HS6ST3: variants seen among roughly 807,000 people sequenced by gnomAD.
HS6ST3 encodes heparan sulfate 6-O-sulfotransferase 3.
A neutral mutation model predicts 36.7 loss-of-function variants in HS6ST3; 12 were observed. That is an observed-to-expected ratio of 0.33 (90% confidence interval 0.21 to 0.53). HS6ST3 has a LOEUF of 0.53. Ranked by LOEUF, HS6ST3 falls within the 20% of genes least tolerant of loss-of-function variation. HS6ST3 has a pLI of 0.95. For missense variants in HS6ST3, 584 were observed against 640.9 expected (o/e 0.91, Z 0.96); for synonymous variants, 240 against 257.5 (o/e 0.93, Z 0.65).
chr13:96,292,215 T>C (rs1428023557), intron 1 of HS6ST3, among the ~76,000 whole-genome samples: 1 of 29,730 alleles, frequency 3.4e-5, no homozygotes, highest in East Asian at 1.4e-3. Flanking sequence ...AGTAAATGTG[T>C]GTGTGTGTGT....
chr13:96,691,000 G>C (rs964047132), intron 1 of HS6ST3, among the ~76,000 whole-genome samples: 1 of 152,040 alleles, frequency 6.6e-6, no homozygotes, highest in African/African-American at 2.4e-5. Flanking sequence ...CCATCCCATA[G>C]AGAATTCATC....
In HS6ST3 at chr13:96,839,219, C is replaced by G. The variant is rs1159686327; in HGVS notation, c.*6021C>G. 6.6e-6 allele frequency: 1 copy of G among 151,944 alleles called. No homozygotes were observed. Among genetic ancestry groups the G allele is most frequent in the Non-Finnish European group, 1.5e-5 (1 of 67,958 alleles). 9.4% of individuals were successfully genotyped at this position (151,944 alleles called of 1,614,324 possible). Reference sequence around the variant, plus strand: ...ATATGATCATTTTTTTTTCACTTTCCTTTTTTTCTTTCTCAGAAGTACTTC... The same window carrying G: ...ATATGATCATTTTTTTTTCACTTTCGTTTTTTTCTTTCTCAGAAGTACTTC... On this transcript the variant is annotated 3_prime_UTR_variant, in exon 2 of 2. Coordinates refer to ENST00000376705, the MANE Select transcript of HS6ST3 (RefSeq NM_153456.4).
intron 1 of HS6ST3, among the ~76,000 whole-genome samples, chr13:96,213,424 C>G (rs2054408391): frequency 6.6e-6 from 1 of 152,186 alleles, no homozygotes; most frequent in Non-Finnish European, 1.5e-5. Flanking sequence ...TGTGAGGTCT[C>G]CTTTGTTCCT....
chr13:96,749,167 A>G (rs1876634664), intron 1 of HS6ST3, among the ~76,000 whole-genome samples: 1 of 152,126 alleles, frequency 6.6e-6, no homozygotes, highest in Admixed American at 6.6e-5. Context: ...ATCACTGCAA[A>G]TATGCTCTGT....
At chr13:96,230,951 A>G (rs1328422002) in intron 1 of HS6ST3, among the ~76,000 whole-genome samples, 1 of 152,142 alleles carries the variant, frequency 6.6e-6, no homozygotes, top group Non-Finnish European at 1.5e-5. Flanking sequence ...ATTGACAAAT[A>G]TAGTGGTTGA....
intron 1 of HS6ST3, among the ~76,000 whole-genome samples, chr13:96,742,245 G>A (rs1196105913): frequency 2.6e-5 from 4 of 151,896 alleles, no homozygotes; most frequent in Non-Finnish European, 1.5e-5. Context: ...CAAAAATACG[G>A]CAGAAAAGGA....
At chr13:96,269,224 G>T (rs541737220) in intron 1 of HS6ST3, among the ~76,000 whole-genome samples, 1 of 151,828 alleles carries the variant, frequency 6.6e-6, no homozygotes, top group Non-Finnish European at 1.5e-5. Flanking sequence ...GTTTTATGGG[G>T]CATGTATTCA....
At chr13:96,407,621 G>A (rs1594773600) in intron 1 of HS6ST3, among the ~76,000 whole-genome samples, 2 of 152,170 alleles carry the variant, frequency 1.3e-5, no homozygotes, top group East Asian at 3.8e-4. Context: ...ATAAGATTTT[G>A]ATAACCTAGC....
At chr13:96,159,460 A>G (rs1314704640) in intron 1 of HS6ST3, among the ~76,000 whole-genome samples, 1 of 152,190 alleles carries the variant, frequency 6.6e-6, no homozygotes, top group Non-Finnish European at 1.5e-5. Flanking sequence ...ACACATGCCA[A>G]TCTGGAAATG....
chr13:96,658,296 T>C lies in HS6ST3; in HGVS notation c.708-174194T>C, dbSNP rs541012831. 9.1e-3 allele frequency among the ~76,000 whole-genome samples: 794 copies of C among 87,270 alleles called. 6 individuals are homozygous for C. Among genetic ancestry groups the C allele is most frequent in the Middle Eastern group, 0.031 (5 of 162 alleles). The allele number at this position is 87,270 out of a possible 152,430, so 57.3% of individuals were successfully genotyped here. A position where few individuals can be genotyped will look rare whatever the true frequency, so the allele number is the denominator to read the frequency against. On this transcript the variant is annotated intron_variant, in intron 1 of 1. Transcript: ENST00000376705. ...TTTTTTTTTTTTTTTTTTTTTTTTTTTTGAGATGGCGTCTCACTCTGTTAC... is the reference window on the plus strand; with the variant it reads ...TTTTTTTTTTTTTTTTTTTTTTTTTCTTGAGATGGCGTCTCACTCTGTTAC...
chr13:96,159,841 A>G (rs1450858547), intron 1 of HS6ST3, among the ~76,000 whole-genome samples: 1 of 152,178 alleles, frequency 6.6e-6, no homozygotes. Context: ...TCCAGTGAAC[A>G]CTAATGAGGG....
chr13:96,708,939 C>T (rs1470118027), intron 1 of HS6ST3, among the ~76,000 whole-genome samples: 3 of 152,202 alleles, frequency 2.0e-5, no homozygotes, highest in Non-Finnish European at 4.4e-5. Flanking sequence ...TTTCCTCTAT[C>T]TCTGTTTAAC....
At chr13:96,414,733 T>C (rs908291737) in intron 1 of HS6ST3, among the ~76,000 whole-genome samples, 2 of 152,182 alleles carry the variant, frequency 1.3e-5, no homozygotes, top group South Asian at 4.1e-4. Flanking sequence ...CTGCCCACCT[T>C]GGCCTCCCAA....
At chr13:96,143,138 G>C (rs1356291455) in intron 1 of HS6ST3, among the ~76,000 whole-genome samples, 1 of 151,794 alleles carries the variant, frequency 6.6e-6, no homozygotes, top group East Asian at 1.9e-4. Flanking sequence ...TGTCTCTGTG[G>C]ATGAACACAG....
At chr13:96,474,307 C>T (rs768141322) in intron 1 of HS6ST3, among the ~76,000 whole-genome samples, 8 of 152,016 alleles carry the variant, frequency 5.3e-5, no homozygotes, top group Non-Finnish European at 7.4e-5. Context: ...GAGATGAGAC[C>T]GAAGCTTGGG....
chr13:96,477,988 G>T (rs1466682179), intron 1 of HS6ST3, among the ~76,000 whole-genome samples: 1 of 151,910 alleles, frequency 6.6e-6, no homozygotes. Context: ...ACCTCTTTTT[G>T]CCTGGGTATC....
chr13:96,485,552 A>G (rs1396170987), intron 1 of HS6ST3, among the ~76,000 whole-genome samples: 1 of 152,114 alleles, frequency 6.6e-6, no homozygotes, highest in Non-Finnish European at 1.5e-5. Context: ...TTCCTTCCTA[A>G]TCAGTACATA....
At chr13:96,339,999 G>A (rs192400304) in intron 1 of HS6ST3, among the ~76,000 whole-genome samples, 3 of 152,310 alleles carry the variant, frequency 2.0e-5, no homozygotes, top group African/African-American at 4.8e-5. Flanking sequence ...GTCCAGTTGC[G>A]TAAGGTGAAC....
intron 1 of HS6ST3, among the ~76,000 whole-genome samples, chr13:96,704,537 T>C (rs1379142671): frequency 6.6e-6 from 1 of 152,126 alleles, no homozygotes; most frequent in African/African-American, 2.4e-5. Context: ...AGAAGCAGTA[T>C]GTCTAAAAAT....
Sources: allele counts gnomAD v4.1 joint callset (sites outside exome capture counted in the v4.1 genomes callset), GRCh38; gene constraint gnomAD v4.1.1; transcripts MANE v1.5; gene names NCBI Gene and HGNC (gene_info 2026-07-23, HGNC 2026-07-21).